GCAT: variants seen among roughly 807,000 people sequenced by gnomAD.
GCAT encodes glycine C-acetyltransferase.
Under a neutral mutation model 39.7 loss-of-function variants are expected in GCAT, and 26 were observed. The ratio of observed to expected loss-of-function variants is 0.65; its 90% CI spans 0.48 to 0.91. The LOEUF (loss-of-function observed/expected upper bound fraction) is 0.91, where lower values mean the gene tolerates loss of function less well. Among genes scored for constraint, GCAT ranks in the 40% least tolerant of loss-of-function variants. The probability of loss-of-function intolerance (pLI) is 0.00; values close to 1 mark genes in which losing one functional copy is unlikely to be tolerated. For synonymous variants in GCAT, 218 were observed against 237.2 expected (o/e 0.92, Z 0.74); for missense variants, 550 against 576.2 (o/e 0.95, Z 0.47).
Position 37,808,138 on chromosome 22 carries a change from C to T in GCAT, c.171C>T (p.His57=). The T allele has an allele frequency of 2.0e-6, 3 of 1,531,672 alleles. No individual in the cohort carries two copies. Among genetic ancestry groups the T allele is most frequent in the Non-Finnish European group, 2.6e-6 (3 of 1,140,836 alleles). The allele number at this position is 1,531,672 out of a possible 1,614,324, so 94.9% of individuals were successfully genotyped here. A position where few individuals can be genotyped will look rare whatever the true frequency, so the allele number is the denominator to read the frequency against. Residue 57 remains histidine, a synonymous_variant, in exon 1 of 9, where the codon CAC becomes CAT. Coordinates refer to ENST00000248924, the MANE Select transcript of GCAT (RefSeq NM_014291.4). ...TCATCACGTCCCGTCAGGGGCCGCACATCCGCGTGGACGGCGTCTCCGGAG... is the reference window on the plus strand; with the variant it reads ...TCATCACGTCCCGTCAGGGGCCGCATATCCGCGTGGACGGCGTCTCCGGAG... ...ERVITSRQGP[H]IRVDGVSGGI... is the part of the protein sequence containing the mutation.
intron 2 of GCAT, 99 bp from the exon 3 acceptor site, chr22:37,812,788 T>C (rs532114876): frequency 5.1e-6 from 4 of 789,850 alleles, no homozygotes; most frequent in African/African-American, 1.7e-5. Context: ...CTGCAGGCTT[T>C]CTGGGTTGGG....
intron 2 of GCAT, among the ~76,000 whole-genome samples, chr22:37,810,812 G>T (rs1306202502): frequency 6.6e-6 from 1 of 152,016 alleles, no homozygotes; most frequent in Non-Finnish European, 1.5e-5. Context: ...ACCGCACTCG[G>T]CCTAATTTTT....
rs8142046 is a variant in GCAT at position 37,810,601 on chromosome 22, C to T, written c.327+444C>T. Among the ~76,000 whole-genome samples the T allele has an allele frequency of 8.2e-3, 1,215 of 147,518 alleles. 10 individuals carry two copies. Among genetic ancestry groups the T allele is most frequent in the African/African-American group, 0.029 (1,158 of 39,760 alleles). Reference sequence around the variant, plus strand: ...GCATGATCTTGGCTACTGCAAGCTGCGCCTCCCAGGTTCACGCCATTCTCC... The same window carrying T: ...GCATGATCTTGGCTACTGCAAGCTGTGCCTCCCAGGTTCACGCCATTCTCC... On this transcript the variant is annotated intron_variant, in intron 2 of 8. Transcript: ENST00000248924.
chr22:37,812,746 C>G, intron 2 of GCAT, 141 bp from the exon 3 acceptor site: 1 of 655,942 alleles, frequency 1.5e-6, no homozygotes, highest in Non-Finnish European at 2.7e-6. Context: ...TCTGGGATAG[C>G]CCATGTGTGG....
rs1019595268 is a variant in GCAT, at chr22:37,813,486, A to G, written c.453A>G (p.Ala151=). 2.5e-6 allele frequency: 4 copies of G among 1,606,940 alleles called. No homozygotes were observed. The highest frequency in any genetic ancestry group is 4.5e-5 in the East Asian group (2 of 44,642). ...AGGCCCTGCTGACCCCAGAGGACGC[A>G]GTCCTGTCGGACGAGCTGAACCATG... ...LFEALLTPED[A]VLSDELNHAS... The change falls in exon 4 of 9, where the codon GCA becomes GCG. Residue 151 remains alanine, a synonymous_variant. Transcript: ENST00000248924.
intron 1 of GCAT, among the ~76,000 whole-genome samples, chr22:37,809,567 C>G (rs1036355337): frequency 6.6e-6 from 1 of 152,130 alleles, no homozygotes; most frequent in Non-Finnish European, 1.5e-5. Flanking sequence ...TGCCTGAAAT[C>G]GTAGCACTTT....
At position 37,816,682 on chromosome 22, in the gene GCAT, C is replaced by G; in HGVS notation, c.1224C>G (p.Phe408Leu). ...EEDIDRCVEA[F>L]VEVGRLHGAL... Reference sequence around the variant, plus strand: ...ACATTGACCGCTGCGTGGAGGCCTTCGTGGAAGTGGGGCGACTGCACGGGG... The same window carrying G: ...ACATTGACCGCTGCGTGGAGGCCTTGGTGGAAGTGGGGCGACTGCACGGGG... The change falls in exon 9 of 9, where the codon TTC becomes TTG. Residue 408 changes from phenylalanine to leucine, a missense_variant. By Grantham distance (22) the Phe-to-Leu change is conservative (BLOSUM62 0). This residue lies in a region of GCAT where 378 missense variants were observed against 390.4 expected (regional missense o/e 0.97). Coordinates refer to ENST00000248924, the MANE Select transcript of GCAT (RefSeq NM_014291.4). The G allele has an allele frequency of 6.2e-7, 1 of 1,614,078 alleles. No individual in the cohort carries two copies. Among genetic ancestry groups the G allele is most frequent in the Non-Finnish European group, 8.5e-7 (1 of 1,180,028 alleles).
At chr22:37,815,881 G>A in intron 7 of GCAT, 47 bp downstream of exon 7, 1 of 1,603,192 alleles carries the variant, frequency 6.2e-7, no homozygotes, top group Middle Eastern at 1.8e-4. Context: ...GACGTGGTGA[G>A]AGCCAGCCTC....
At chr22:37,815,992 G>A in intron 7 of GCAT, 158 bp downstream of exon 7, 1 of 468,508 alleles carries the variant, frequency 2.1e-6, no homozygotes, top group African/African-American at 2.1e-5. Context: ...TCTAGCTTCT[G>A]TGTCTCCTTC....
Position 37,815,196 on chromosome 22 carries a change from A to G in GCAT, c.647A>G (p.Glu216Gly). ...GATGGCGACATCGCACCCCTGCAGG[A>G]GATCTGCTGCCTCGCCTCTAGATAT... ...SMDGDIAPLQ[E>G]ICCLASRYGA... The change falls in exon 5 of 9, where the codon GAG becomes GGG. Residue 216 changes from glutamate (E) to glycine (G), a missense_variant. Around this residue, in one of 3 missense-constraint regions of GCAT, gnomAD observed 378 missense variants for 390.4 expected, o/e 0.97. Transcript: ENST00000248924. 6.2e-7 allele frequency: 1 copy of G among 1,614,078 alleles called. No individual in the cohort carries two copies. Among genetic ancestry groups the G allele is most frequent in the Admixed American group, 1.7e-5 (1 of 60,014 alleles).
intron 2 of GCAT, among the ~76,000 whole-genome samples, chr22:37,812,236 G>A (rs2145922054): frequency 6.6e-6 from 1 of 152,132 alleles, no homozygotes; most frequent in South Asian, 2.1e-4. Flanking sequence ...ACTAGGGAGG[G>A]GAGGCTGAGT....
At chr22:37,816,132 G>C (rs1922165997) in intron 7 of GCAT, 68 bp from the exon 8 acceptor site, 1 of 1,571,132 alleles carries the variant, frequency 6.4e-7, no homozygotes, top group Non-Finnish European at 8.6e-7. Context: ...CTCGGGCCTG[G>C]TCCCTGCAAG....
In GCAT at chr22:37,815,280, G is replaced by A. The variant is rs200392738; in HGVS notation, c.731G>A (p.Arg244Gln). The change falls in exon 5 of 9, where the codon CGG (arginine) becomes CAG (glutamine). Residue 244 changes from arginine to glutamine, a missense_variant and splice_region_variant. Around this residue, in one of 3 missense-constraint regions of GCAT, gnomAD observed 378 missense variants for 390.4 expected, o/e 0.97. Transcript: ENST00000248924. ...ACTGGCTTCCTGGGGCCCACAGGAC[G>A]GTGGGACCATGTGGCACCTGAGGCC... ...HATGFLGPTG[R>Q]GTDELLGVMD... The A allele has an allele frequency of 9.5e-5, 154 of 1,613,048 alleles. No homozygotes were observed. Among genetic ancestry groups the A allele is most frequent in the Middle Eastern group, 3.3e-4 (2 of 6,058 alleles).
At chr22:37,811,962 G>A (rs1921650485) in intron 2 of GCAT, among the ~76,000 whole-genome samples, 2 of 151,910 alleles carry the variant, frequency 1.3e-5, no homozygotes, top group African/African-American at 4.8e-5. Flanking sequence ...TTGAGATGAG[G>A]ACACTGAGAT....
chr22:37,816,979 G>T, downstream of GCAT: 1 of 440,792 alleles, frequency 2.3e-6, no homozygotes, highest in Non-Finnish European at 4.2e-6. Flanking sequence ...GGGCTCTGAG[G>T]GGAGGCGCCT....
rs1490985550 is a variant in GCAT at position 37,808,019 on chromosome 22, C to T, written c.52C>T (p.Arg18Cys). The change falls in exon 1 of 9, where the codon CGC becomes TGC. Residue 18 changes from arginine (R) to cysteine (C), a missense_variant. This residue lies in a region of GCAT where 154 missense variants were observed against 141.9 expected (regional missense o/e 1.08). Coordinates refer to ENST00000248924, the MANE Select transcript of GCAT (RefSeq NM_014291.4). The stretch of plus-strand genomic sequence containing the variant: ...CGCACTCTTCTGGGTGCCCCGCGGC[C>T]GCCGCGCACAGTCAGCGCTGGCCCA... ...RAALFWVPRG[R>C]RAQSALAQLR... 3 of 1,546,808 alleles carry T rather than the reference C, an allele frequency of 1.9e-6. No individual in the cohort carries two copies. Among genetic ancestry groups the T allele is most frequent in the African/African-American group, 1.4e-5 (1 of 72,124 alleles).
chr22:37,814,243 G>A (rs1041227133), intron 4 of GCAT, among the ~76,000 whole-genome samples: 14 of 152,028 alleles, frequency 9.2e-5, no homozygotes, highest in African/African-American at 2.4e-4. Flanking sequence ...TGGGACTACC[G>A]GTGCCCACCA....
At chr22:37,809,944 C>T (rs1921384998) in intron 1 of GCAT, 83 bp from the exon 2 acceptor site, 1 of 1,567,132 alleles carries the variant, frequency 6.4e-7, no homozygotes, top group African/African-American at 1.4e-5. Flanking sequence ...GGACCATTTC[C>T]CCAGGGCCTG....
chr22:37,809,553 C>T (rs573807333), intron 1 of GCAT, among the ~76,000 whole-genome samples: 12 of 152,302 alleles, frequency 7.9e-5, no homozygotes, highest in Non-Finnish European at 1.2e-4. Flanking sequence ...GGCACAGTGG[C>T]TTGTGCCTGA....
Sources: allele counts gnomAD v4.1 joint callset (sites outside exome capture counted in the v4.1 genomes callset), GRCh38; gene constraint gnomAD v4.1.1; regional missense constraint gnomAD v4.1.1; transcripts MANE v1.5; gene names NCBI Gene and HGNC (gene_info 2026-07-23, HGNC 2026-07-21).